IKZF3: variants seen among roughly 807,000 people sequenced by gnomAD.
IKZF3 encodes the protein zinc finger protein Aiolos.
In IKZF3, 10 loss-of-function variants were observed where a neutral mutation model predicts 49.0. The observed-to-expected ratio is 0.20, with a 90% CI of 0.13 to 0.35. The LOEUF (loss-of-function observed/expected upper bound fraction) is 0.35, where lower values mean the gene tolerates loss of function less well. Among genes scored for constraint, IKZF3 ranks in the 10% least tolerant of loss-of-function variants. IKZF3 has a pLI of 1.00. For synonymous variants in IKZF3, 209 were observed against 228.2 expected (o/e 0.92, Z 0.76); for missense variants, 498 against 664.8 (o/e 0.75, Z 2.76).
chr17:39,791,247 C>T (rs2061013321), intron 5 of IKZF3, among the ~76,000 whole-genome samples, 169 bp downstream of exon 5: 1 of 152,078 alleles, frequency 6.6e-6, no homozygotes, highest in African/African-American at 2.4e-5. Context: ...AGACGGAGAG[C>T]AATTAGTGCC....
At chr17:39,850,712 C>CACAT (rs2062826901) in intron 1 of IKZF3, among the ~76,000 whole-genome samples, 1 of 4,288 alleles carries the variant, frequency 2.3e-4, no homozygotes, top group East Asian at 6.2e-3. Context: ...ATATATAATA[C>CACAT]ATTATATATA....
chr17:39,833,294 C>G (rs1431894036), intron 1 of IKZF3, among the ~76,000 whole-genome samples: 1 of 152,146 alleles, frequency 6.6e-6, no homozygotes, highest in Admixed American at 6.5e-5. Flanking sequence ...ATGCATGGAT[C>G]TTAAGTGTAC....
At chr17:39,844,301 G>A (rs2062564615) in intron 1 of IKZF3, among the ~76,000 whole-genome samples, 1 of 152,186 alleles carries the variant, frequency 6.6e-6, no homozygotes, top group East Asian at 1.9e-4. Context: ...GAATCTTGGA[G>A]TGGGTTAATT....
intron 1 of IKZF3, among the ~76,000 whole-genome samples, chr17:39,848,738 T>C (rs990048522): frequency 5.9e-5 from 9 of 152,142 alleles, no homozygotes; most frequent in African/African-American, 2.2e-4. Context: ...TGGAATGCAG[T>C]GACATGACGT....
intron 5 of IKZF3, among the ~76,000 whole-genome samples, chr17:39,790,097 G>A (rs903357816): frequency 2.6e-5 from 4 of 152,052 alleles, no homozygotes; most frequent in African/African-American, 9.7e-5. Context: ...ATTGTTGATA[G>A]AATATACTCA....
At chr17:39,844,351 C>T (rs1394326697) in intron 1 of IKZF3, among the ~76,000 whole-genome samples, 1 of 152,150 alleles carries the variant, frequency 6.6e-6, no homozygotes, top group African/African-American at 2.4e-5. Context: ...TACATTTCTC[C>T]TGTTATTTGA....
intron 1 of IKZF3, among the ~76,000 whole-genome samples, chr17:39,863,810 A>C (rs2063284091): frequency 6.8e-6 from 1 of 148,076 alleles, no homozygotes; most frequent in African/African-American, 2.5e-5. Context: ...ATTCCACCCC[A>C]GATTTGCAGC....
In IKZF3 at chr17:39,764,809, T is replaced by A. The variant is rs2060251961; in HGVS notation, c.*981A>T. On this transcript the variant is annotated 3_prime_UTR_variant, in exon 8 of 8. Transcript: ENST00000346872. ...TGCCATCTATCTCCAATTCCTCTCCTGTGGGGAGGGGGAGGCTGAGCCATA... is the reference window on the plus strand; with the variant it reads ...TGCCATCTATCTCCAATTCCTCTCCAGTGGGGAGGGGGAGGCTGAGCCATA... 6.6e-6 allele frequency: 1 copy of A among 152,218 alleles called. No individual in the cohort carries two copies. The highest frequency in any genetic ancestry group is 1.5e-5 in the Non-Finnish European group (1 of 68,036). 9.4% of individuals were successfully genotyped at this position (152,218 alleles called of 1,614,324 possible).
chr17:39,829,361 T>C, intron 3 of IKZF3, 26 bp downstream of exon 3: 1 of 1,488,900 alleles, frequency 6.7e-7, no homozygotes, highest in Non-Finnish European at 9.4e-7. Context: ...CAGGCATCAG[T>C]GTTTAGTCTG....
intron 3 of IKZF3, among the ~76,000 whole-genome samples, chr17:39,795,146 T>C (rs2061130145): frequency 6.6e-6 from 1 of 152,200 alleles, no homozygotes; most frequent in South Asian, 2.1e-4. Flanking sequence ...GGATTTTGGC[T>C]TTAGTTGGCC....
At chr17:39,862,117 A>G (rs1304542922) in intron 1 of IKZF3, among the ~76,000 whole-genome samples, 1 of 152,206 alleles carries the variant, frequency 6.6e-6, no homozygotes, top group Non-Finnish European at 1.5e-5. Flanking sequence ...AGATTGTGAG[A>G]AAATTAAAAA....
At chr17:39,856,675 G>A (rs969421003) in intron 1 of IKZF3, among the ~76,000 whole-genome samples, 3 of 151,762 alleles carry the variant, frequency 2.0e-5, no homozygotes, top group Non-Finnish European at 4.4e-5. Flanking sequence ...GCGTGGTAGC[G>A]GGAGCCTGTA....
rs938657986 is a variant in IKZF3 at position 39,829,384 on chromosome 17, C to T, written c.163+3G>A. 3.7e-6 allele frequency: 6 copies of T among 1,605,518 alleles called. No individual in the cohort carries two copies. Among genetic ancestry groups the T allele is most frequent in the Non-Finnish European group, 5.1e-6 (6 of 1,172,244 alleles). On this transcript the variant is annotated splice_donor_region_variant and intron_variant, in intron 3 of 7. Transcript: ENST00000346872. ...AGTGTTTAGTCTGCACACTACGGCTCACCTCCTATGTCTTCATCTTCATTG... is the reference window on the plus strand; with the variant it reads ...AGTGTTTAGTCTGCACACTACGGCTTACCTCCTATGTCTTCATCTTCATTG...
chr17:39,799,942 G>T (rs2061275821), intron 3 of IKZF3, among the ~76,000 whole-genome samples: 1 of 152,136 alleles, frequency 6.6e-6, no homozygotes, highest in Admixed American at 6.5e-5. Flanking sequence ...TAGTTGATGT[G>T]TTCATAAAAT....
At chr17:39,808,076 A>T (rs2061473054) in intron 3 of IKZF3, among the ~76,000 whole-genome samples, 1 of 152,180 alleles carries the variant, frequency 6.6e-6, no homozygotes, top group African/African-American at 2.4e-5. Flanking sequence ...AACAAAATAA[A>T]ATTGATAGCT....
chr17:39,837,545 G>T (rs1186710315), intron 1 of IKZF3, among the ~76,000 whole-genome samples: 1 of 151,204 alleles, frequency 6.6e-6, no homozygotes, highest in Non-Finnish European at 1.5e-5. Context: ...CCCAAAATGG[G>T]ATTAGAGGAT....
chr17:39,829,955 CA>C (rs373615960), intron 2 of IKZF3, among the ~76,000 whole-genome samples: 4,689 of 143,850 alleles, frequency 0.033, 243 homozygotes, highest in African/African-American at 0.11. Flanking sequence ...TCGTCTCAAA[CA>C]AAAAAAAAAG....
intron 3 of IKZF3, among the ~76,000 whole-genome samples, chr17:39,794,350 A>G (rs2061108973): frequency 6.6e-6 from 1 of 152,222 alleles, no homozygotes; most frequent in South Asian, 2.1e-4. Flanking sequence ...ACAGTCTGAA[A>G]AAAGATATTT....
At chr17:39,816,915 T>A (rs1317497581) in intron 3 of IKZF3, among the ~76,000 whole-genome samples, 1 of 152,214 alleles carries the variant, frequency 6.6e-6, no homozygotes, top group African/African-American at 2.4e-5. Flanking sequence ...GGTTTCACCA[T>A]GTTGGCCAGG....
Sources: gnomAD v4.1 joint callset for allele counts (sites outside exome capture counted in the v4.1 genomes callset) on GRCh38, gnomAD v4.1.1 for gene constraint, MANE v1.5 for transcripts, NCBI Gene and HGNC (gene_info 2026-07-23, HGNC 2026-07-21) for gene names.